ARHGAP32: variants seen among roughly 807,000 people sequenced by gnomAD.
ARHGAP32 encodes the protein rho GTPase-activating protein 32.
Under a neutral mutation model 186.5 loss-of-function variants are expected in ARHGAP32, and 51 were observed. The observed-to-expected ratio is 0.27, with a 90% CI of 0.22 to 0.35. ARHGAP32 has a LOEUF of 0.35. ARHGAP32 is among the 10% of genes least tolerant of loss of function. The probability of loss-of-function intolerance (pLI) is 1.00; values close to 1 mark genes in which losing one functional copy is unlikely to be tolerated. For synonymous variants in ARHGAP32, 950 were observed against 964.3 expected, an observed-to-expected ratio of 0.99 and a Z score of 0.27; for missense variants, 2,186 against 2,623.5, an observed-to-expected ratio of 0.83 and a Z score of 3.64.
At chr11:129,109,474 T>C (rs1942144540) in intron 5 of ARHGAP32, among the ~76,000 whole-genome samples, 1 of 152,068 alleles carries the variant, frequency 6.6e-6, no homozygotes, top group African/African-American at 2.4e-5. Context: ...GGTAGTTCCT[T>C]TTTTAGTTTT....
chr11:129,216,828 T>C (rs528509330), intron 1 of ARHGAP32, among the ~76,000 whole-genome samples: 1 of 152,136 alleles, frequency 6.6e-6, no homozygotes, highest in East Asian at 1.9e-4. Context: ...GATTTGTTTT[T>C]ATAAGTTTTT....
chr11:129,059,055 C>G (rs777177656), intron 10 of ARHGAP32, among the ~76,000 whole-genome samples: 13 of 152,184 alleles, frequency 8.5e-5, no homozygotes, highest in Non-Finnish European at 1.5e-4. Flanking sequence ...AATCTTTACA[C>G]TATATTTCTT....
intron 5 of ARHGAP32, among the ~76,000 whole-genome samples, chr11:129,094,791 G>A (rs1268534213): frequency 6.6e-6 from 1 of 152,182 alleles, no homozygotes; most frequent in African/African-American, 2.4e-5. Context: ...CGGTCCCAGA[G>A]ATGGACAACC....
intron 12 of ARHGAP32, among the ~76,000 whole-genome samples, chr11:128,996,621 TTATCTCAG>T (rs1444963187): frequency 7.2e-5 from 11 of 152,118 alleles, no homozygotes; most frequent in African/African-American, 2.4e-4. Flanking sequence ...TGCTATTTAA[TTATCTCAG>T]TATGTATTAT....
chr11:129,279,277 G>C (rs1354706652), exon 1 of ARHGAP32: 1 of 139,846 alleles, frequency 7.2e-6, no homozygotes, highest in Non-Finnish European at 1.6e-5. Context: ...CCGCGCCGCC[G>C]AGCCTAGCGC....
In ARHGAP32 at chr11:129,013,642, T is replaced by G. The variant is rs140857032; in HGVS notation, c.1046-15174A>C. ...CCTGCCTTGGAGATTTAAATAAAAC[T>G]ATTCAATTTAATTATACTCAAATTT... On this transcript the variant is annotated intron_variant, in intron 11 of 22. Transcript: ENST00000682385. Among the ~76,000 whole-genome samples, 362 of 152,326 alleles carry G rather than the reference T, an allele frequency of 2.4e-3. 1 individual carries two copies. Among genetic ancestry groups the G allele is most frequent in the African/African-American group, 8.5e-3 (353 of 41,588 alleles).
intron 22 of ARHGAP32, chr11:128,971,454 G>A (rs1391641118): frequency 3.0e-6 from 1 of 331,566 alleles, no homozygotes; most frequent in Non-Finnish European, 5.5e-6. Flanking sequence ...CCAAAAGAGA[G>A]GTTTAGTCAA....
At chr11:128,975,762 A>G (rs564547712) in intron 20 of ARHGAP32, among the ~76,000 whole-genome samples, 1 of 152,236 alleles carries the variant, frequency 6.6e-6, no homozygotes, top group Non-Finnish European at 1.5e-5. Context: ...AAATATAAAT[A>G]TATTGGCCGG....
In ARHGAP32 at chr11:128,976,583, G is replaced by GT. The variant is rs1311731648; in HGVS notation, c.2173dup (p.Thr725AsnfsTer7). 1 of 1,613,922 alleles carries GT rather than the reference G, an allele frequency of 6.2e-7. No individual in the cohort carries two copies. On this transcript the variant is annotated frameshift_variant, in exon 20 of 23. Transcript: ENST00000682385. LOFTEE classifies it high-confidence loss of function. ...CTTACCATCAACTGCATGGAGAGAT[G>GT]TAAGAGACTCCTCACTTTTAGCTGA...
In ARHGAP32 at chr11:128,974,286, C is replaced by T. The variant is rs1343392437; in HGVS notation, c.2911G>A (p.Val971Ile). 1.9e-6 allele frequency: 3 copies of T among 1,614,192 alleles called. No individual in the cohort carries two copies. Among genetic ancestry groups the T allele is most frequent in the East Asian group, 4.5e-5 (2 of 44,884 alleles). The change falls in exon 21 of 23, where the codon GTA (valine) becomes ATA (isoleucine). Residue 971 changes from valine to isoleucine, a missense_variant. Coordinates refer to ENST00000682385, the MANE Select transcript of ARHGAP32 (RefSeq NM_001378024.1). Reference protein sequence around the residue: ...DATNRSPTQIVKMKTNETVAQ... With the variant: ...DATNRSPTQIIKMKTNETVAQ... Reference sequence around the variant, plus strand: ...ACTGTCTCATTTGTTTTCATCTTTACTATCTGGGTGGGGGATCTATTTGTG... The same window carrying T: ...ACTGTCTCATTTGTTTTCATCTTTATTATCTGGGTGGGGGATCTATTTGTG...
intron 1 of ARHGAP32, among the ~76,000 whole-genome samples, chr11:129,223,438 C>T (rs975285706): frequency 4.6e-5 from 7 of 152,030 alleles, no homozygotes; most frequent in African/African-American, 4.8e-5. Context: ...CAGCACAGGA[C>T]GGATATAATA....
intron 2 of ARHGAP32, among the ~76,000 whole-genome samples, chr11:129,149,641 A>G (rs373364681): frequency 9.2e-5 from 14 of 152,244 alleles, no homozygotes; most frequent in African/African-American, 2.9e-4. Flanking sequence ...GAACATTAAG[A>G]CTTGAGTTCC....
chr11:128,999,198 G>A (rs1946283262), intron 11 of ARHGAP32, among the ~76,000 whole-genome samples: 2 of 152,260 alleles, frequency 1.3e-5, no homozygotes, highest in South Asian at 2.1e-4. Context: ...TGCATTCCCA[G>A]GGGGAGGTCT....
intron 2 of ARHGAP32, among the ~76,000 whole-genome samples, chr11:129,129,606 G>C (rs1942764440): frequency 6.6e-6 from 1 of 152,218 alleles, no homozygotes; most frequent in Non-Finnish European, 1.5e-5. Flanking sequence ...GGGAAATATG[G>C]GGAAAAGAAA....
rs576475971 is a variant in ARHGAP32 at position 128,998,749 on chromosome 11, C to T, written c.1046-281G>A. On this transcript the variant is annotated intron_variant, in intron 11 of 22. Transcript: ENST00000682385. ...ACATAAATTGTGAAGATTTCATGGGCATTTATTAGTTCCCCAAATTAATAC... is the reference window on the plus strand; with the variant it reads ...ACATAAATTGTGAAGATTTCATGGGTATTTATTAGTTCCCCAAATTAATAC... Among the ~76,000 whole-genome samples the T allele has an allele frequency of 5.3e-5, 8 of 152,288 alleles. 1 individual carries two copies. In the South Asian group the frequency reaches 1.2e-3, roughly 24 times the overall value.
At chr11:129,180,967 A>C (rs891846638) in intron 1 of ARHGAP32, among the ~76,000 whole-genome samples, 10 of 152,136 alleles carry the variant, frequency 6.6e-5, no homozygotes, top group Non-Finnish European at 1.3e-4. Context: ...AACTTATGAA[A>C]AATTACACTT....
At chr11:129,166,884 A>C (rs1305234703) in intron 1 of ARHGAP32, among the ~76,000 whole-genome samples, 1 of 152,306 alleles carries the variant, frequency 6.6e-6, no homozygotes, top group South Asian at 2.1e-4. Flanking sequence ...ATATATACAC[A>C]TTAAAAACAC....
In ARHGAP32 at chr11:128,970,273, T is replaced by C. The variant is rs768549712; in HGVS notation, c.4940A>G (p.His1647Arg). ...YQSSQARSDY[H>R]VTQLQPYFEN... is the part of the protein sequence containing the mutation. Reference sequence around the variant, plus strand: ...AAAGTAAGGCTGAAGCTGAGTGACATGATAATCTGAGCGGGCCTGGGAGGA... The same window carrying C: ...AAAGTAAGGCTGAAGCTGAGTGACACGATAATCTGAGCGGGCCTGGGAGGA... The change falls in exon 23 of 23, where the codon CAT becomes CGT. Residue 1647 changes from histidine to arginine, a missense_variant. This residue lies in a region of ARHGAP32 where 1,502 missense variants were observed against 1,570.0 expected (regional missense o/e 0.96). Transcript: ENST00000682385. This position sits in a 1 kb window ranked among gnomAD's most constrained non-coding sequence, Gnocchi z 5.8. 1 of 1,614,154 alleles carries C rather than the reference T, an allele frequency of 6.2e-7. No homozygotes were observed. The highest frequency in any genetic ancestry group is 1.3e-5 in the African/African-American group (1 of 75,040).
At chr11:129,013,814 A>G (rs549043405) in intron 11 of ARHGAP32, among the ~76,000 whole-genome samples, 59 of 152,312 alleles carry the variant, frequency 3.9e-4, no homozygotes, top group Admixed American at 1.8e-3. Context: ...TTTCCTGTTC[A>G]ATATTACTAG....
Sources: gnomAD v4.1 joint callset for allele counts (sites outside exome capture counted in the v4.1 genomes callset) on GRCh38, gnomAD v4.1.1 for gene constraint, gnomAD v4.1.1 regional missense constraint, Gnocchi (gnomAD v3.1) non-coding constraint, MANE v1.5 for transcripts, NCBI Gene and HGNC (gene_info 2026-07-23, HGNC 2026-07-21) for gene names.